Variants in CSMD1 observed in about 807,000 individuals in gnomAD.
CSMD1 encodes the protein CUB and sushi domain-containing protein 1.
CSMD1 carries 213 observed loss-of-function variants against 417.5 expected under a neutral mutation model. The observed-to-expected ratio is 0.51, with a 90% CI of 0.46 to 0.57. The LOEUF is 0.57. Among genes scored for constraint, CSMD1 ranks in the 20% least tolerant of loss-of-function variants. The pLI is 0.00. For missense variants in CSMD1, 6,923 were observed against 4,529.7 expected (o/e 1.53, Z -15.17); for synonymous variants, 2,862 against 1,736.8 (o/e 1.65, Z -16.11).
intron 3 of CSMD1, among the ~76,000 whole-genome samples, chr8:4,107,371 A>G (rs973524523): frequency 2.0e-5 from 3 of 152,218 alleles, no homozygotes; most frequent in African/African-American, 7.2e-5. Flanking sequence ...TGTAGAGGAT[A>G]AAGTCCTCTC....
chr8:4,259,896 C>T lies in CSMD1; in HGVS notation c.415+160057G>A, dbSNP rs13254850. On this transcript the variant is annotated intron_variant, in intron 3 of 69. Coordinates refer to ENST00000635120, the MANE Select transcript of CSMD1 (RefSeq NM_033225.6). ...TAAGTTAATTTATTTTTTGCTACCG[C>T]ATAGTCTCTTCTGTTGTATAATACT... 1.1e-3 allele frequency among the ~76,000 whole-genome samples: 171 copies of T among 152,254 alleles called. 1 individual carries two copies. Among genetic ancestry groups the T allele is most frequent in the South Asian group, 3.1e-3 (15 of 4,824 alleles).
intron 1 of CSMD1, among the ~76,000 whole-genome samples, chr8:4,933,160 T>C (rs1249024720): frequency 2.0e-5 from 3 of 152,180 alleles, no homozygotes; most frequent in Admixed American, 1.3e-4. Flanking sequence ...TTTTACTTTT[T>C]TTTCTTTCTT....
At chr8:3,305,299 TAATC>T (rs149223313) in intron 25 of CSMD1, among the ~76,000 whole-genome samples, 2,697 of 152,284 alleles carry the variant, frequency 0.018, 78 homozygotes, top group African/African-American at 0.061. Flanking sequence ...ATCATCAAAT[TAATC>T]ATTTATCTTG....
chr8:4,177,605 T>C (rs112840208), intron 3 of CSMD1, among the ~76,000 whole-genome samples: 61 of 149,330 alleles, frequency 4.1e-4, no homozygotes, highest in African/African-American at 1.3e-3. Flanking sequence ...GAAATAGAGA[T>C]GCAAATAACC....
At chr8:4,006,309 TGA>T (rs1325837387) in intron 4 of CSMD1, among the ~76,000 whole-genome samples, 2 of 152,260 alleles carry the variant, frequency 1.3e-5, no homozygotes, top group East Asian at 3.9e-4. Flanking sequence ...TTTGGGAGGC[TGA>T]GATGGATGGA....
chr8:4,690,367 A>G (rs534368551), intron 1 of CSMD1, among the ~76,000 whole-genome samples: 35 of 152,336 alleles, frequency 2.3e-4, no homozygotes, highest in African/African-American at 8.4e-4. Flanking sequence ...ATAGTTTTGA[A>G]TGAGTAAATG....
intron 1 of CSMD1, among the ~76,000 whole-genome samples, chr8:4,764,756 C>T (rs1437290669): frequency 6.6e-6 from 1 of 150,476 alleles, no homozygotes; most frequent in Non-Finnish European, 1.5e-5. Flanking sequence ...GCCTGTAGTC[C>T]CAGCTACTCT....
intron 3 of CSMD1, among the ~76,000 whole-genome samples, chr8:4,219,676 C>T (rs1458053250): frequency 6.6e-6 from 1 of 152,180 alleles, no homozygotes; most frequent in Non-Finnish European, 1.5e-5. Flanking sequence ...TTGGATAATA[C>T]TGCTACACAA....
rs2130340861 is a variant in CSMD1 at position 3,998,035 on chromosome 8, T to G, written c.686A>C (p.Glu229Ala). The change falls in exon 5 of 70, where the codon GAG (glutamate) becomes GCG (alanine). Residue 229 changes from glutamate to alanine, a missense_variant. Coordinates refer to ENST00000635120, the MANE Select transcript of CSMD1 (RefSeq NM_033225.6). ...ISSPHFPSEY[E>A]NNADCTWTIL... ...GGTCCAGGTGCAGTCCGCGTTGTTCTCGTACTCTGAAGGGAAGTGCGGGCT... is the reference window on the plus strand; with the variant it reads ...GGTCCAGGTGCAGTCCGCGTTGTTCGCGTACTCTGAAGGGAAGTGCGGGCT... 2.5e-6 allele frequency: 4 copies of G among 1,603,936 alleles called. No individual in the cohort carries two copies. Among genetic ancestry groups the G allele is most frequent in the Admixed American group, 3.4e-5 (2 of 58,682 alleles).
chr8:4,067,379 G>C (rs947372321), intron 3 of CSMD1, among the ~76,000 whole-genome samples: 1 of 152,132 alleles, frequency 6.6e-6, no homozygotes, highest in Non-Finnish European at 1.5e-5. Context: ...AGTTAAACTG[G>C]ATTTTGGTAG....
At chr8:4,807,994 C>G (rs1469673690) in intron 1 of CSMD1, among the ~76,000 whole-genome samples, 4 of 152,206 alleles carry the variant, frequency 2.6e-5, no homozygotes, top group East Asian at 3.9e-4. Context: ...CAGTAAAATA[C>G]AAATCTGTTG....
At chr8:4,305,548 T>C (rs961592193) in intron 3 of CSMD1, among the ~76,000 whole-genome samples, 2 of 152,206 alleles carry the variant, frequency 1.3e-5, no homozygotes, top group African/African-American at 4.8e-5. Flanking sequence ...AGTATTGCTG[T>C]TCTCTCTGGA....
chr8:4,141,585 G>A (rs1382000890), intron 3 of CSMD1, among the ~76,000 whole-genome samples: 3 of 151,120 alleles, frequency 2.0e-5, no homozygotes, highest in African/African-American at 7.4e-5. Context: ...ACGAGTAACT[G>A]TACTAAGAAA....
chr8:4,116,141 G>T (rs190608870), intron 3 of CSMD1, among the ~76,000 whole-genome samples: 12 of 151,812 alleles, frequency 7.9e-5, no homozygotes, highest in Non-Finnish European at 1.6e-4. Context: ...TTACAGGCGC[G>T]TACCACCGCA....
At chr8:4,708,433 T>C (rs1808087727) in intron 1 of CSMD1, among the ~76,000 whole-genome samples, 1 of 152,204 alleles carries the variant, frequency 6.6e-6, no homozygotes, top group African/African-American at 2.4e-5. Context: ...CTGCTAATAG[T>C]TTCACTAAAG....
At chr8:4,711,163 A>T (rs1563194452) in intron 1 of CSMD1, among the ~76,000 whole-genome samples, 1 of 152,200 alleles carries the variant, frequency 6.6e-6, no homozygotes, top group East Asian at 1.9e-4. Flanking sequence ...TCTCACAAAA[A>T]AAAAAAACCA....
intron 5 of CSMD1, among the ~76,000 whole-genome samples, chr8:3,798,797 C>A (rs1393383400): frequency 1.3e-5 from 2 of 151,980 alleles, no homozygotes; most frequent in African/African-American, 4.8e-5. Context: ...TATGGGACAT[C>A]TGTTTATAAA....
intron 10 of CSMD1, among the ~76,000 whole-genome samples, chr8:3,497,883 T>C (rs1399011699): frequency 1.3e-5 from 2 of 152,260 alleles, no homozygotes; most frequent in East Asian, 3.8e-4. Flanking sequence ...TTGTCTGCTC[T>C]ACCAGTGAAT....
chr8:4,189,812 G>C lies in CSMD1; in HGVS notation c.416-157713C>G, dbSNP rs149701610. On this transcript the variant is annotated intron_variant, in intron 3 of 69. Coordinates refer to ENST00000635120, the MANE Select transcript of CSMD1 (RefSeq NM_033225.6). ...TTTTATCTTGTTGCCATATATTAAG[G>C]TAAAGTGGATTCAAAGAGCACAGCT... is the stretch of plus-strand genomic sequence containing the variant. Among the ~76,000 whole-genome samples the C allele has an allele frequency of 3.4e-3, 513 of 152,178 alleles. 4 individuals carry two copies. Among genetic ancestry groups the C allele is most frequent in the Non-Finnish European group, 5.3e-3 (361 of 68,026 alleles).
Sources: gnomAD v4.1 joint callset for allele counts (sites outside exome capture counted in the v4.1 genomes callset) on GRCh38, gnomAD v4.1.1 for gene constraint, MANE v1.5 for transcripts, NCBI Gene and HGNC (gene_info 2026-07-23, HGNC 2026-07-21) for gene names.